GPHN: variants seen among roughly 807,000 people sequenced by gnomAD.
GPHN encodes the protein gephyrin.
In GPHN, 17 loss-of-function variants were observed where a neutral mutation model predicts 95.5. The observed-to-expected ratio is 0.18, with a 90% CI of 0.12 to 0.27. GPHN has a LOEUF of 0.27. GPHN is among the 10% of genes least tolerant of loss of function. GPHN has a pLI of 1.00. For missense variants in GPHN, 660 were observed against 978.1 expected (o/e 0.67, Z 4.34); for synonymous variants, 320 against 322.5 (o/e 0.99, Z 0.08).
intron 2 of GPHN, among the ~76,000 whole-genome samples, chr14:66,704,294 T>C (rs529363227): frequency 3.3e-5 from 5 of 152,102 alleles, no homozygotes; most frequent in African/African-American, 1.2e-4. Flanking sequence ...GGACTTGAAC[T>C]CATATCTGGA....
In GPHN at chr14:66,961,896, A is replaced by ATG. The variant is rs1218862577; in HGVS notation, c.829-3291_829-3290dup. Among the ~76,000 whole-genome samples the ATG allele has an allele frequency of 1.0e-3, 101 of 98,768 alleles. 1 individual carries two copies. Among genetic ancestry groups the ATG allele is most frequent in the South Asian group, 2.5e-3 (7 of 2,842 alleles). 64.8% of individuals were successfully genotyped at this position (98,768 alleles called of 152,430 possible). ...CTATAACCAACCATTCTATCCCTGAATGTGTATATATATATATATATATAT... is the reference window on the plus strand; with the variant it reads ...CTATAACCAACCATTCTATCCCTGAATGTGTGTATATATATATATATATATAT... On this transcript the variant is annotated intron_variant, in intron 8 of 22. Coordinates refer to ENST00000478722, the MANE Select transcript of GPHN (RefSeq NM_020806.5).
the GPHN span, among the ~76,000 whole-genome samples, chr14:67,706,873 T>G: frequency 3.9e-5 from 6 of 152,140 alleles, no homozygotes; most frequent in Non-Finnish European, 8.8e-5. Flanking sequence ...CCTAGACAGG[T>G]AGGTCCTAAG....
At chr14:67,279,500 T>C in the GPHN span, 2 of 1,567,736 alleles carry the variant, frequency 1.3e-6, no homozygotes, top group East Asian at 2.2e-5. Flanking sequence ...AGGAAGGAAT[T>C]GTCTTAGAAA....
chr14:66,796,201 A>G (rs1028140684), intron 3 of GPHN, among the ~76,000 whole-genome samples: 1 of 152,164 alleles, frequency 6.6e-6, no homozygotes, highest in Admixed American at 6.5e-5. Flanking sequence ...TCCACTGTAT[A>G]TAAGAACCAC....
intron 1 of GPHN, among the ~76,000 whole-genome samples, chr14:66,546,259 C>T (rs1016700932): frequency 8.6e-5 from 13 of 151,292 alleles, no homozygotes; most frequent in African/African-American, 2.2e-4. Context: ...GGATGGCGGC[C>T]GGGCAGAGAC....
At chr14:67,686,438 A>G in the GPHN span, among the ~76,000 whole-genome samples, 14 of 152,246 alleles carry the variant, frequency 9.2e-5, no homozygotes, top group East Asian at 2.5e-3. Context: ...CAGGAGTTAT[A>G]GACCAGCCTG....
chr14:66,582,455 A>G (rs1220465424), intron 1 of GPHN, among the ~76,000 whole-genome samples: 1 of 152,038 alleles, frequency 6.6e-6, no homozygotes. Flanking sequence ...ACATATGTAT[A>G]CATGTGCCAT....
chr14:67,379,689 C>T, the GPHN span, among the ~76,000 whole-genome samples: 1 of 116,616 alleles, frequency 8.6e-6, no homozygotes, highest in East Asian at 3.9e-4. Context: ...GAGTCTCGCT[C>T]TGTCGCCCAG....
At chr14:67,443,681 T>C in the GPHN span, among the ~76,000 whole-genome samples, 1 of 151,860 alleles carries the variant, frequency 6.6e-6, no homozygotes, top group African/African-American at 2.4e-5. Context: ...GATGGGAGGA[T>C]TTCTGGAGGC....
At chr14:67,204,864 G>A in the GPHN span, 2 of 1,613,730 alleles carry the variant, frequency 1.2e-6, no homozygotes, top group African/African-American at 2.7e-5. Flanking sequence ...AACATGTCAG[G>A]GACAGCATAG....
chr14:67,257,280 A>G, the GPHN span, among the ~76,000 whole-genome samples: 1 of 152,102 alleles, frequency 6.6e-6, no homozygotes, highest in Non-Finnish European at 1.5e-5. Context: ...TCTCAGGTGA[A>G]CCTCAGAGGG....
At chr14:67,062,462 T>C (rs1393968972) in intron 11 of GPHN, among the ~76,000 whole-genome samples, 3 of 152,220 alleles carry the variant, frequency 2.0e-5, no homozygotes, top group Non-Finnish European at 4.4e-5. Flanking sequence ...ATCCATGCAT[T>C]TGAAGCTGTG....
At chr14:66,569,355 A>G (rs1011113748) in intron 1 of GPHN, among the ~76,000 whole-genome samples, 42 of 152,198 alleles carry the variant, frequency 2.8e-4, no homozygotes, top group African/African-American at 9.6e-4. Flanking sequence ...TTTAACACAC[A>G]CACCATTGTG....
At chr14:67,376,571 G>A in the GPHN span, 1 of 1,613,836 alleles carries the variant, frequency 6.2e-7, no homozygotes, top group East Asian at 2.2e-5. Flanking sequence ...TGCCTATGAT[G>A]CATTTAAGCA....
At chr14:66,970,755 A>C (rs1217739335) in intron 9 of GPHN, among the ~76,000 whole-genome samples, 1 of 152,230 alleles carries the variant, frequency 6.6e-6, no homozygotes. Flanking sequence ...GCTATTAATG[A>C]CATTATAGAA....
chr14:67,241,097 G>A, the GPHN span: 1 of 152,270 alleles, frequency 6.6e-6, no homozygotes, highest in African/African-American at 2.4e-5. Flanking sequence ...CAGCTAGCCC[G>A]GAGCAGTCCG....
chr14:67,731,726 G>T, the GPHN span, among the ~76,000 whole-genome samples: 1 of 152,172 alleles, frequency 6.6e-6, no homozygotes, highest in Non-Finnish European at 1.5e-5. Context: ...AGTCTGGAGG[G>T]ATAACCAGCC....
At chr14:67,110,115 C>T in intron 13 of GPHN, 25 bp from the exon 14 acceptor site, 2 of 1,610,092 alleles carry the variant, frequency 1.2e-6, no homozygotes, top group South Asian at 1.1e-5. Context: ...AGTACATCAA[C>T]TGTCTTTTTC....
chr14:66,756,501 G>A (rs1444165911), intron 2 of GPHN, among the ~76,000 whole-genome samples: 1 of 151,890 alleles, frequency 6.6e-6, no homozygotes, highest in Non-Finnish European at 1.5e-5. Flanking sequence ...GGTGGTCCTG[G>A]AACCAATCCT....
Sources: allele counts gnomAD v4.1 joint callset (sites outside exome capture counted in the v4.1 genomes callset), GRCh38; gene constraint gnomAD v4.1.1; transcripts MANE v1.5; gene names NCBI Gene and HGNC (gene_info 2026-07-23, HGNC 2026-07-21).